The following PRUNE2 variants were observed in gnomAD, a reference collection of about 807,000 sequenced individuals.
PRUNE2 encodes the protein protein prune homolog 2.
In PRUNE2, 164 loss-of-function variants were observed where a neutral mutation model predicts 252.0. The observed-to-expected ratio is 0.65, with a 90% confidence interval of 0.57 to 0.74. The LOEUF is 0.74. Ranked by LOEUF, PRUNE2 falls within the 30% of genes least tolerant of loss-of-function variation. The probability of loss-of-function intolerance (pLI) is 0.00; values close to 1 mark genes in which losing one functional copy is unlikely to be tolerated. For synonymous variants in PRUNE2, 1,292 were observed against 1,350.2 expected (o/e 0.96, Z 0.94); for missense variants, 3,495 against 3,711.0 (o/e 0.94, Z 1.51).
intron 15 of PRUNE2, among the ~76,000 whole-genome samples, chr9:76,634,849 T>C (rs371470709): frequency 1.4e-4 from 21 of 152,386 alleles, no homozygotes; most frequent in East Asian, 9.6e-4. Flanking sequence ...TGCTAATGTT[T>C]ACCTTTCTAC....
chr9:76,655,327 A>ATAAG, intron 10 of PRUNE2, 96 bp downstream of exon 10: 1 of 900,466 alleles, frequency 1.1e-6, no homozygotes, highest in East Asian at 2.6e-5. Flanking sequence ...CACTGAAATC[A>ATAAG]TAAGTTAGAT....
chr9:76,719,045 A>G (rs2047399263), intron 6 of PRUNE2, among the ~76,000 whole-genome samples: 1 of 152,210 alleles, frequency 6.6e-6, no homozygotes, highest in Non-Finnish European at 1.5e-5. Context: ...ATCTCTTGCC[A>G]GAACTTTAGC....
At position 76,641,993 on chromosome 9, in the gene PRUNE2, A is replaced by G. The variant is rs547480436; in HGVS notation, c.8728+2746T>C. On this transcript the variant is annotated intron_variant, in intron 12 of 18. Coordinates refer to ENST00000376718, the MANE Select transcript of PRUNE2 (RefSeq NM_015225.3). Reference sequence around the variant, plus strand: ...TTACCTGAATCTCCTATAATGAAATAAGAGAAGTAAAAAAAAAAAAAAAAG... The same window carrying G: ...TTACCTGAATCTCCTATAATGAAATGAGAGAAGTAAAAAAAAAAAAAAAAG... 8.4e-6 allele frequency: 12 copies of G among 1,424,488 alleles called. No homozygotes were observed. The South Asian group carries it at 1.2e-4, about 14-fold the overall frequency. The allele number at this position is 1,424,488 out of a possible 1,614,324, so 88.2% of individuals were successfully genotyped here.
intron 6 of PRUNE2, among the ~76,000 whole-genome samples, chr9:76,789,156 T>C (rs190463694): frequency 2.3e-4 from 35 of 152,322 alleles, no homozygotes; most frequent in African/African-American, 8.2e-4. Context: ...AGTATTTATA[T>C]TGCCATCTTG....
At chr9:76,746,474 G>A (rs946962797) in intron 6 of PRUNE2, among the ~76,000 whole-genome samples, 2 of 151,994 alleles carry the variant, frequency 1.3e-5, no homozygotes, top group Non-Finnish European at 2.9e-5. Flanking sequence ...GGGAGGCCGA[G>A]GCGGGTGGAT....
chr9:76,711,386 A>G (rs370044494), intron 7 of PRUNE2, 28 bp from the exon 8 acceptor site: 16 of 1,500,218 alleles, frequency 1.1e-5, no homozygotes, highest in Non-Finnish European at 1.4e-5. Context: ...AATTTGTGTC[A>G]GCACTCAAGC....
intron 1 of PRUNE2, among the ~76,000 whole-genome samples, chr9:76,905,699 A>C (rs559394570): frequency 6.6e-6 from 1 of 152,216 alleles, no homozygotes; most frequent in African/African-American, 2.4e-5. Flanking sequence ...GCCAGGCCAC[A>C]ACCTCCTTCA....
chr9:76,846,390 T>A lies in PRUNE2; in HGVS notation c.508+125A>T, dbSNP rs1009167818. On this transcript the variant is annotated intron_variant, in intron 4 of 18. Transcript: ENST00000376718. ...AACTCTTTACTCCCTGCCTCTCTGATGAAGCTTCCCGTGGTCTTTAAAGAG... is the reference window on the plus strand; with the variant it reads ...AACTCTTTACTCCCTGCCTCTCTGAAGAAGCTTCCCGTGGTCTTTAAAGAG... 8 of 719,038 alleles carry A rather than the reference T, an allele frequency of 1.1e-5. No individual in the cohort carries two copies. The African/African-American group carries it at 1.2e-4, about 11-fold the overall frequency. The allele number at this position is 719,038 out of a possible 1,614,324, so 44.5% of individuals were successfully genotyped here.
intron 4 of PRUNE2, among the ~76,000 whole-genome samples, chr9:76,830,239 A>G (rs13295112): frequency 6.6e-6 from 1 of 152,244 alleles, no homozygotes; most frequent in Admixed American, 6.5e-5. Flanking sequence ...AGCAAAGTCT[A>G]ACAGATAGGC....
Position 76,704,832 on chromosome 9 carries a change from G to A in PRUNE2, c.7442C>T (p.Ser2481Leu), listed in dbSNP as rs78508517. The change falls in exon 8 of 19, where the codon TCA (serine) becomes TTA (leucine). Residue 2481 changes from serine (S) to leucine (L), a missense_variant. Transcript: ENST00000376718. ...TGTTTCTACTTCCCAGTCAACGTTT[G>A]ATGGAGACAAAATGTTGGAGCCTGC... The part of the protein sequence containing the change: ...VGAGSNILSP[S>L]NVDWEVETDN... The A allele has an allele frequency of 1.3e-6, 2 of 1,593,430 alleles. No individual in the cohort carries two copies. Among genetic ancestry groups the A allele is most frequent in the Non-Finnish European group, 1.7e-6 (2 of 1,168,538 alleles).
intron 9 of PRUNE2, among the ~76,000 whole-genome samples, chr9:76,674,301 C>T (rs923423361): frequency 3.3e-5 from 5 of 152,174 alleles, no homozygotes; most frequent in African/African-American, 4.8e-5. Context: ...AACTCCCATT[C>T]GCAATTGCTT....
Position 76,656,188 on chromosome 9 carries a change from T to C in PRUNE2, c.8277-686A>G, listed in dbSNP as rs116013316. 9.1e-3 allele frequency among the ~76,000 whole-genome samples: 1,388 copies of C among 152,318 alleles called. 20 individuals are homozygous for C. Among genetic ancestry groups the C allele is most frequent in the African/African-American group, 0.031 (1,308 of 41,566 alleles). Reference sequence around the variant, plus strand: ...GTATTAGCACATTTGGTAAGAAGTGTAGGGAAACAGGAAATACCAAAGGCA... The same window carrying C: ...GTATTAGCACATTTGGTAAGAAGTGCAGGGAAACAGGAAATACCAAAGGCA... On this transcript the variant is annotated intron_variant, in intron 9 of 18. Transcript: ENST00000376718.
chr9:76,701,955 T>C (rs1013205642), intron 9 of PRUNE2, among the ~76,000 whole-genome samples: 2 of 152,098 alleles, frequency 1.3e-5, no homozygotes, highest in Admixed American at 6.6e-5. Flanking sequence ...GTATAATCAG[T>C]CATGGTAGAG....
rs749000346 is a variant in PRUNE2 at position 76,710,727 on chromosome 9, G to T, written c.1547C>A (p.Ser516Tyr). 4 of 1,612,706 alleles carry T rather than the reference G, an allele frequency of 2.5e-6. No homozygotes were observed. Among genetic ancestry groups the T allele is most frequent in the Non-Finnish European group, 3.4e-6 (4 of 1,179,440 alleles). Residue 516 changes from serine (S) to tyrosine (Y), a missense_variant, in exon 8 of 19, where the codon TCC becomes TAC. Ser to Tyr is a moderately radical substitution (Grantham distance 144). Coordinates refer to ENST00000376718, the MANE Select transcript of PRUNE2 (RefSeq NM_015225.3). ...SQQSSHSADY[S>Y]PADDFFPNSD... ...GTTGGGGAAGAAGTCATCTGCTGGG[G>T]AGTAGTCTGCAGAATGAGAAGATTG...
At position 76,706,097 on chromosome 9, in the gene PRUNE2, C is replaced by G; in HGVS notation, c.6177G>C (p.Glu2059Asp). The G allele has an allele frequency of 3.1e-6, 5 of 1,614,042 alleles. No individual in the cohort carries two copies. The highest frequency in any genetic ancestry group is 4.2e-6 in the Non-Finnish European group (5 of 1,179,892). The change falls in exon 8 of 19, where the codon GAG (glutamate) becomes GAC (aspartate). Residue 2059 changes from glutamate to aspartate, a missense_variant. Glu to Asp is a conservative substitution (Grantham distance 45). Transcript: ENST00000376718. ...GCGCGGCAGAGGCCAGCTGCCCACC[C>G]TCTTGAAAGTTGCCATGTAAAATAT... ...VPDILHGNFQ[E>D]GGQLASAAPD...
At chr9:76,799,157 A>G (rs1450433272) in intron 6 of PRUNE2, among the ~76,000 whole-genome samples, 2 of 152,196 alleles carry the variant, frequency 1.3e-5, no homozygotes, top group African/African-American at 4.8e-5. Flanking sequence ...CCTGGCCAAC[A>G]TGGTGAAATC....
chr9:76,782,739 G>C (rs1374796154), intron 6 of PRUNE2: 5 of 152,226 alleles, frequency 3.3e-5, no homozygotes, highest in Non-Finnish European at 7.3e-5. Context: ...TCCGCTGTGA[G>C]TCTCCTCAGT....
chr9:76,861,183 C>T (rs780416591), intron 1 of PRUNE2, among the ~76,000 whole-genome samples: 1 of 152,126 alleles, frequency 6.6e-6, no homozygotes, highest in African/African-American at 2.4e-5. Flanking sequence ...GCAAACACCC[C>T]CTCTGCAGCT....
chr9:76,778,223 G>GT (rs962709207), intron 6 of PRUNE2, among the ~76,000 whole-genome samples: 1 of 152,190 alleles, frequency 6.6e-6, no homozygotes, highest in African/African-American at 2.4e-5. Context: ...GCAGGCCATT[G>GT]TAAGAGCCAG....
Sources: allele counts gnomAD v4.1 joint callset (sites outside exome capture counted in the v4.1 genomes callset), GRCh38; gene constraint gnomAD v4.1.1; transcripts MANE v1.5; gene names NCBI Gene and HGNC (gene_info 2026-07-23, HGNC 2026-07-21).